The following RALGAPA2 variants were observed in gnomAD, a reference collection of about 807,000 sequenced individuals.
RALGAPA2 encodes ral GTPase-activating protein subunit alpha-2.
In RALGAPA2, 139 loss-of-function variants were observed where a neutral mutation model predicts 230.4. The observed-to-expected ratio is 0.60, with a 90% CI of 0.53 to 0.69. The LOEUF is 0.69. Among genes scored for constraint, RALGAPA2 ranks in the 30% least tolerant of loss-of-function variants. The pLI, the probability that RALGAPA2 is intolerant of heterozygous loss-of-function variation, is 0.00. For missense variants in RALGAPA2, 2,163 were observed against 2,276.0 expected (o/e 0.95, Z 1.01); for synonymous variants, 847 against 837.8 (o/e 1.01, Z -0.19).
chr20:20,680,541 A>G (rs1430256369), intron 2 of RALGAPA2, 150 bp downstream of exon 2: 2 of 1,181,910 alleles, frequency 1.7e-6, no homozygotes, highest in African/African-American at 3.2e-5. Context: ...AAGAGAAACA[A>G]AGATGCCACC....
intron 1 of RALGAPA2, among the ~76,000 whole-genome samples, chr20:20,683,116 T>A (rs983751931): frequency 2.6e-5 from 4 of 152,182 alleles, no homozygotes; most frequent in Non-Finnish European, 5.9e-5. Flanking sequence ...AGCCTGGGCA[T>A]CATTCCTCAC....
At chr20:20,537,297 T>C in intron 24 of RALGAPA2, among the ~76,000 whole-genome samples, 1 of 152,176 alleles carries the variant, frequency 6.6e-6, no homozygotes, top group Non-Finnish European at 1.5e-5. Flanking sequence ...GATACTTTTA[T>C]TTGCCCAGTG....
chr20:20,594,863 G>A (rs2065403357), intron 16 of RALGAPA2, among the ~76,000 whole-genome samples: 1 of 151,682 alleles, frequency 6.6e-6, no homozygotes, highest in Admixed American at 6.6e-5. Flanking sequence ...CAAGCAGCTG[G>A]GACTACAGGC....
At chr20:20,420,251 G>A (rs1015687689) in intron 37 of RALGAPA2, among the ~76,000 whole-genome samples, 7 of 152,170 alleles carry the variant, frequency 4.6e-5, no homozygotes, top group South Asian at 2.1e-4. Flanking sequence ...CAGGAGGCCC[G>A]AATGGCTTGA....
At chr20:20,479,687 G>A (rs2061729938) in intron 36 of RALGAPA2, among the ~76,000 whole-genome samples, 1 of 152,182 alleles carries the variant, frequency 6.6e-6, no homozygotes, top group Admixed American at 6.5e-5. Context: ...GTGAAACATT[G>A]AGAACTTGAT....
chr20:20,604,052 A>G (rs2065743634), intron 15 of RALGAPA2, among the ~76,000 whole-genome samples: 1 of 152,196 alleles, frequency 6.6e-6, no homozygotes, highest in African/African-American at 2.4e-5. Context: ...AAAGACCAAA[A>G]TCAAATCCAA....
chr20:20,470,111 GT>G (rs1300073000), intron 37 of RALGAPA2, among the ~76,000 whole-genome samples: 7 of 152,102 alleles, frequency 4.6e-5, no homozygotes. Flanking sequence ...TTGCTGCAGA[GT>G]TCCAACTGTT....
At chr20:20,705,625 C>A (rs2069568175) in intron 1 of RALGAPA2, among the ~76,000 whole-genome samples, 1 of 152,056 alleles carries the variant, frequency 6.6e-6, no homozygotes, top group South Asian at 2.1e-4. Context: ...CAAATTGAAA[C>A]AACTTGCTAT....
chr20:20,673,255 A>C (rs2068201024), intron 3 of RALGAPA2, among the ~76,000 whole-genome samples: 1 of 151,456 alleles, frequency 6.6e-6, no homozygotes, highest in Non-Finnish European at 1.5e-5. Flanking sequence ...AGCCAGAAAG[A>C]AAAGACATTT....
intron 12 of RALGAPA2, among the ~76,000 whole-genome samples, chr20:20,617,934 G>A (rs1410250689): frequency 6.6e-6 from 1 of 152,072 alleles, no homozygotes; most frequent in Non-Finnish European, 1.5e-5. Flanking sequence ...AATAGAAATT[G>A]TTTTTTCTCA....
chr20:20,560,034 T>C (rs897138637), intron 23 of RALGAPA2, among the ~76,000 whole-genome samples: 1 of 152,190 alleles, frequency 6.6e-6, no homozygotes, highest in Non-Finnish European at 1.5e-5. Context: ...GGTACCATGT[T>C]AGTTGCTGTG....
At chr20:20,396,830 C>A in intron 38 of RALGAPA2, 96 bp from the exon 39 acceptor site, 1 of 1,050,966 alleles carries the variant, frequency 9.5e-7, no homozygotes, top group South Asian at 1.4e-5. Context: ...ACATTTATCC[C>A]TGAGCTGCCC....
intron 37 of RALGAPA2, among the ~76,000 whole-genome samples, chr20:20,460,108 T>C (rs1033133939): frequency 2.0e-5 from 3 of 152,196 alleles, no homozygotes; most frequent in African/African-American, 7.2e-5. Context: ...TGATTTACCA[T>C]GGCACATGTG....
intron 37 of RALGAPA2, among the ~76,000 whole-genome samples, chr20:20,456,776 T>A (rs1008134007): frequency 2.6e-5 from 4 of 152,002 alleles, no homozygotes; most frequent in Non-Finnish European, 4.4e-5. Context: ...CACAGAACCA[T>A]AGAAGAGCCT....
intron 36 of RALGAPA2, among the ~76,000 whole-genome samples, chr20:20,486,102 T>C (rs2123507263): frequency 6.6e-6 from 1 of 152,264 alleles, no homozygotes; most frequent in African/African-American, 2.4e-5. Context: ...ATCATGCCAC[T>C]ATATTCCAGC....
intron 4 of RALGAPA2, among the ~76,000 whole-genome samples, chr20:20,645,141 G>T: frequency 8.5e-6 from 1 of 118,284 alleles, no homozygotes; most frequent in African/African-American, 3.1e-5. Context: ...TTGAGACAGA[G>T]TCTTGCTCTG....
chr20:20,625,428 A>AT (rs2066463285), intron 10 of RALGAPA2, among the ~76,000 whole-genome samples: 1 of 152,224 alleles, frequency 6.6e-6, no homozygotes, highest in South Asian at 2.1e-4. Flanking sequence ...ATGAACATAG[A>AT]TTTTTTAATA....
intron 24 of RALGAPA2, among the ~76,000 whole-genome samples, chr20:20,538,255 T>C (rs983693104): frequency 2.0e-5 from 3 of 152,148 alleles, no homozygotes; most frequent in African/African-American, 7.2e-5. Context: ...AGCTATTCCA[T>C]GGGATGAGGC....
chr20:20,576,174 G>A (rs1323420844), intron 20 of RALGAPA2, among the ~76,000 whole-genome samples: 10 of 151,846 alleles, frequency 6.6e-5, no homozygotes, highest in Non-Finnish European at 1.2e-4. Context: ...CATATACTCC[G>A]TATCTAATTT....
Sources: gnomAD v4.1 joint callset for allele counts (sites outside exome capture counted in the v4.1 genomes callset) on GRCh38, gnomAD v4.1.1 for gene constraint, MANE v1.5 for transcripts, NCBI Gene and HGNC (gene_info 2026-07-23, HGNC 2026-07-21) for gene names.